JARID2: variants seen among roughly 807,000 people sequenced by gnomAD.
JARID2 encodes jumonji and AT-rich interaction domain containing 2, also known as protein Jumonji.
JARID2 carries 21 observed loss-of-function variants against 125.6 expected under a neutral mutation model. That is an observed-to-expected ratio of 0.17 (90% CI 0.12 to 0.24). The LOEUF is 0.24. JARID2 is among the 10% of genes least tolerant of loss of function. JARID2 has a pLI of 1.00. For missense variants in JARID2, 1,303 were observed against 1,639.6 expected, an observed-to-expected ratio of 0.79 and a Z score of 3.55; for synonymous variants, 736 against 661.6, an observed-to-expected ratio of 1.11 and a Z score of -1.73.
At chr6:15,402,920 G>A (rs371692186) in intron 2 of JARID2, among the ~76,000 whole-genome samples, 2 of 152,140 alleles carry the variant, frequency 1.3e-5, no homozygotes, top group Non-Finnish European at 2.9e-5. Context: ...GAGCAGTTAC[G>A]GCCTGGGATA....
intron 3 of JARID2, 56 bp downstream of exon 3, chr6:15,410,421 G>A (rs1004540931): frequency 2.9e-5 from 46 of 1,565,534 alleles, no homozygotes; most frequent in Non-Finnish European, 3.9e-5. Context: ...GCAAACTCAG[G>A]TGCCAGTTTT....
intron 3 of JARID2, among the ~76,000 whole-genome samples, chr6:15,419,044 A>G (rs1283612028): frequency 6.6e-6 from 1 of 151,976 alleles, no homozygotes. Flanking sequence ...AATTGGAATT[A>G]TATTAAATAA....
intron 1 of JARID2, among the ~76,000 whole-genome samples, chr6:15,367,861 G>A (rs933387501): frequency 6.6e-6 from 1 of 152,102 alleles, no homozygotes; most frequent in African/African-American, 2.4e-5. Flanking sequence ...CTTTCCAGTC[G>A]ACTCCAAGTA....
chr6:15,493,044 A>G (rs1285498839), intron 6 of JARID2, among the ~76,000 whole-genome samples: 1 of 152,126 alleles, frequency 6.6e-6, no homozygotes, highest in Non-Finnish European at 1.5e-5. Context: ...AGATAGTGAT[A>G]TATAGAATTC....
intron 2 of JARID2, among the ~76,000 whole-genome samples, chr6:15,391,140 G>T (rs1764984673): frequency 7.8e-6 from 1 of 128,872 alleles, no homozygotes; most frequent in Non-Finnish European, 1.7e-5. Context: ...TTTTCAAGTT[G>T]GTTTGCCCCC....
intron 1 of JARID2, among the ~76,000 whole-genome samples, chr6:15,294,244 G>A (rs1477562403): frequency 6.6e-6 from 1 of 152,184 alleles, no homozygotes. Flanking sequence ...GCTGGCTGGA[G>A]TGCAATGGTG....
chr6:15,306,328 C>CTTTTTTTTTTTTTTTTTTTTTT (rs398000594), intron 1 of JARID2, among the ~76,000 whole-genome samples: 1 of 99,250 alleles, frequency 1.0e-5, no homozygotes, highest in Non-Finnish European at 2.0e-5. Flanking sequence ...AGTCATATTT[C>CTTTTTTTTTTTTTTTTTTTTTT]TTTTTTTTTT....
At chr6:15,264,963 G>T (rs1304348206) in intron 1 of JARID2, among the ~76,000 whole-genome samples, 1 of 152,116 alleles carries the variant, frequency 6.6e-6, no homozygotes, top group Non-Finnish European at 1.5e-5. Context: ...TGGGTTTCAG[G>T]CTTAATTCAT....
intron 1 of JARID2, among the ~76,000 whole-genome samples, chr6:15,248,352 T>C (rs1759270751): frequency 1.4e-5 from 2 of 142,392 alleles, no homozygotes; most frequent in South Asian, 4.3e-4. Context: ...CCGGGCCGGC[T>C]TGCAGGCGGG....
intron 1 of JARID2, chr6:15,248,886 C>G (rs1759316611): frequency 1.0e-6 from 1 of 985,032 alleles, no homozygotes; most frequent in Non-Finnish European, 1.2e-6. Flanking sequence ...CAGAGCCGGG[C>G]TGCGGCGTGG....
At chr6:15,326,480 C>A (rs574052731) in intron 1 of JARID2, among the ~76,000 whole-genome samples, 1 of 152,248 alleles carries the variant, frequency 6.6e-6, no homozygotes, top group East Asian at 1.9e-4. Flanking sequence ...AGTGAGCCAC[C>A]ACGCCTGGCC....
chr6:15,376,535 C>T (rs1764361816), intron 2 of JARID2, among the ~76,000 whole-genome samples: 1 of 151,998 alleles, frequency 6.6e-6, no homozygotes, highest in Non-Finnish European at 1.5e-5. Context: ...GGGCAACAAA[C>T]TACAACCCTG....
intron 4 of JARID2, among the ~76,000 whole-genome samples, chr6:15,461,792 C>T (rs935733882): frequency 9.2e-5 from 14 of 152,080 alleles, no homozygotes; most frequent in African/African-American, 2.7e-4. Flanking sequence ...GTTGAGTAAC[C>T]TCGAGTCTCA....
At chr6:15,437,794 C>G (rs1767273931) in intron 3 of JARID2, among the ~76,000 whole-genome samples, 1 of 150,520 alleles carries the variant, frequency 6.6e-6, no homozygotes, top group Admixed American at 6.6e-5. Flanking sequence ...CAGAGTGAGA[C>G]TCTGTCTCAA....
chr6:15,402,467 T>A (rs1047301544), intron 2 of JARID2, among the ~76,000 whole-genome samples: 2 of 152,190 alleles, frequency 1.3e-5, no homozygotes, highest in Non-Finnish European at 2.9e-5. Context: ...AAGTGCAAAT[T>A]CTGTGAGATG....
chr6:15,352,853 C>T (rs1200330397), intron 1 of JARID2, among the ~76,000 whole-genome samples: 1 of 152,318 alleles, frequency 6.6e-6, no homozygotes, highest in Admixed American at 6.5e-5. Context: ...TTACTTATTA[C>T]AGCTGCAAAG....
At chr6:15,252,256 C>T (rs1001729325) in intron 1 of JARID2, among the ~76,000 whole-genome samples, 10 of 151,990 alleles carry the variant, frequency 6.6e-5, no homozygotes, top group Non-Finnish European at 1.3e-4. Context: ...TCAAAAAAAC[C>T]GTAATTAAAA....
chr6:15,266,989 C>T (rs1442717065), intron 1 of JARID2, among the ~76,000 whole-genome samples: 2 of 152,218 alleles, frequency 1.3e-5, no homozygotes, highest in South Asian at 2.1e-4. Context: ...AGATTAGGTG[C>T]TCTAATAGGC....
At chr6:15,516,979 G>C (rs1771592431) in intron 16 of JARID2, among the ~76,000 whole-genome samples, 182 bp from the exon 17 acceptor site, 1 of 152,124 alleles carries the variant, frequency 6.6e-6, no homozygotes, top group Admixed American at 6.5e-5. Flanking sequence ...GTCAGTTTTC[G>C]TTTTAGTCCA....
Sources: allele counts gnomAD v4.1 joint callset (sites outside exome capture counted in the v4.1 genomes callset), GRCh38; gene constraint gnomAD v4.1.1; transcripts MANE v1.5; gene names NCBI Gene and HGNC (gene_info 2026-07-23, HGNC 2026-07-21).